Variants in AGBL4 observed in about 807,000 individuals in gnomAD.
AGBL4 encodes the protein cytosolic carboxypeptidase 6.
Under a neutral mutation model 66.4 loss-of-function variants are expected in AGBL4, and 58 were observed. The ratio of observed to expected loss-of-function variants is 0.87; its 90% CI spans 0.71 to 1.09. AGBL4 has a LOEUF of 1.09. Among genes scored for constraint, AGBL4 ranks in the 50% least tolerant of loss-of-function variants. The pLI is 0.00. For synonymous variants in AGBL4, 234 were observed against 222.9 expected, an observed-to-expected ratio of 1.05 and a Z score of -0.44; for missense variants, 579 against 631.0, an observed-to-expected ratio of 0.92 and a Z score of 0.88.
intron 5 of AGBL4, among the ~76,000 whole-genome samples, chr1:49,038,003 C>G (rs1664801391): frequency 6.6e-6 from 1 of 152,034 alleles, no homozygotes; most frequent in Non-Finnish European, 1.5e-5. Context: ...TGGGAGAAGA[C>G]AATACTTACA....
intron 1 of AGBL4, among the ~76,000 whole-genome samples, chr1:49,997,960 T>C (rs959344394): frequency 3.3e-5 from 5 of 151,928 alleles, no homozygotes; most frequent in African/African-American, 1.2e-4. Context: ...GAATGATCAT[T>C]GGGTCAACAA....
chr1:49,448,347 C>G (rs189543792), intron 3 of AGBL4, among the ~76,000 whole-genome samples: 37 of 152,216 alleles, frequency 2.4e-4, no homozygotes, highest in Non-Finnish European at 4.7e-4. Context: ...CTTCCTTCTC[C>G]CCGTCTCCTT....
At chr1:49,968,723 C>T (rs1192579213) in intron 1 of AGBL4, among the ~76,000 whole-genome samples, 2 of 152,166 alleles carry the variant, frequency 1.3e-5, no homozygotes, top group African/African-American at 4.8e-5. Flanking sequence ...ATTCTATTGT[C>T]CATTTTTTCC....
intron 6 of AGBL4, among the ~76,000 whole-genome samples, chr1:48,691,168 A>C (rs925327419): frequency 7.3e-5 from 11 of 149,850 alleles, no homozygotes; most frequent in Admixed American, 5.3e-4. Context: ...AAAAAAAAAA[A>C]AAAAAAACAC....
rs1472821995 is a variant in AGBL4, at chr1:49,576,784, T to C, written c.282+120529A>G. Among the ~76,000 whole-genome samples, 3 of 152,252 alleles carry C rather than the reference T, an allele frequency of 2.0e-5. No homozygotes were observed. In the East Asian group the frequency reaches 5.8e-4, roughly 30 times the overall value. On this transcript the variant is annotated intron_variant, in intron 3 of 13. Coordinates refer to ENST00000371839, the MANE Select transcript of AGBL4 (RefSeq NM_032785.4). ...TCCCCAGTCTGCACTGATGGCCTCA[T>C]GGGGAGTTCCCTATGATCAGTTGAC... is the stretch of plus-strand genomic sequence containing the variant.
rs1648187563 is a variant in AGBL4 at position 49,206,902 on chromosome 1, AGAGGAGAGGAGAG to A, written c.377+38855_377+38867del. ...AGAGGAGAGGAGAGGAGAGGAGAGG[AGAGGAGAGGAGAG>A]GAGAGGAGGTAGGAACCAGGTGGGC... On this transcript the variant is annotated intron_variant, in intron 4 of 13. Transcript: ENST00000371839. Among the ~76,000 whole-genome samples, 5 of 146,954 alleles carry A rather than the reference AGAGGAGAGGAGAG, an allele frequency of 3.4e-5. No homozygotes were observed. The Admixed American group carries it at 3.4e-4, about 10-fold the overall frequency.
At chr1:48,646,549 G>GTGTT (rs1236663890) in intron 8 of AGBL4, among the ~76,000 whole-genome samples, 11 of 151,610 alleles carry the variant, frequency 7.3e-5, no homozygotes, top group African/African-American at 2.7e-4. Context: ...GTGTGTGTGT[G>GTGTT]TGTGTGCTGG....
intron 1 of AGBL4, among the ~76,000 whole-genome samples, chr1:49,941,253 AT>A (rs1654731033): frequency 6.6e-6 from 1 of 152,308 alleles, no homozygotes; most frequent in Admixed American, 6.5e-5. Flanking sequence ...TCTACCAAAC[AT>A]TTGCAGAAGT....
intron 5 of AGBL4, among the ~76,000 whole-genome samples, chr1:48,900,072 G>T (rs1028543008): frequency 6.6e-6 from 1 of 152,130 alleles, no homozygotes; most frequent in Non-Finnish European, 1.5e-5. Flanking sequence ...AGTGGGGTGG[G>T]GTTGGAGTGC....
Position 49,279,922 on chromosome 1 carries a change from C to T in AGBL4, c.283-34058G>A, listed in dbSNP as rs771795029. Reference sequence around the variant, plus strand: ...AGAAACCACCATGCTAGGAGGATAGCGAAGCCTGAATGCTGCTAAAGCATA... The same window carrying T: ...AGAAACCACCATGCTAGGAGGATAGTGAAGCCTGAATGCTGCTAAAGCATA... On this transcript the variant is annotated intron_variant, in intron 3 of 13. Coordinates refer to ENST00000371839, the MANE Select transcript of AGBL4 (RefSeq NM_032785.4). Among the ~76,000 whole-genome samples, 9 of 152,162 alleles carry T rather than the reference C, an allele frequency of 5.9e-5. No homozygotes were observed. The South Asian group carries it at 8.3e-4, about 14-fold the overall frequency.
chr1:48,963,582 G>A (rs1258044744), intron 5 of AGBL4, among the ~76,000 whole-genome samples: 1 of 149,438 alleles, frequency 6.7e-6, no homozygotes, highest in African/African-American at 2.5e-5. Context: ...TCTGTATGAT[G>A]TTCCTGGGGA....
intron 1 of AGBL4, among the ~76,000 whole-genome samples, chr1:49,996,969 G>A (rs975499421): frequency 5.9e-5 from 9 of 152,074 alleles, no homozygotes; most frequent in East Asian, 5.8e-4. Context: ...ACTAAACTTC[G>A]TAAATGAAGG....
chr1:49,859,721 G>A (rs1269908367), intron 1 of AGBL4, among the ~76,000 whole-genome samples: 1 of 151,882 alleles, frequency 6.6e-6, no homozygotes, highest in African/African-American at 2.4e-5. Flanking sequence ...GATGCTCACT[G>A]TCATCACTCT....
At chr1:49,585,251 C>G (rs1430219275) in intron 3 of AGBL4, among the ~76,000 whole-genome samples, 34 of 152,270 alleles carry the variant, frequency 2.2e-4, no homozygotes, top group Non-Finnish European at 5.9e-5. Context: ...CTGTGACTTG[C>G]TCTTACAACA....
At chr1:48,897,270 A>G (rs145969638) in intron 5 of AGBL4, among the ~76,000 whole-genome samples, 123 of 152,248 alleles carry the variant, frequency 8.1e-4, no homozygotes, top group African/African-American at 2.9e-3. Flanking sequence ...TATTTAACAT[A>G]GTGGTCTCCA....
intron 1 of AGBL4, among the ~76,000 whole-genome samples, chr1:49,945,797 C>A (rs1276582266): frequency 6.6e-6 from 1 of 151,958 alleles, no homozygotes; most frequent in African/African-American, 2.4e-5. Context: ...CATCAACTAA[C>A]AATCTGCTGC....
At chr1:49,282,243 A>G (rs1644289787) in intron 3 of AGBL4, among the ~76,000 whole-genome samples, 1 of 152,188 alleles carries the variant, frequency 6.6e-6, no homozygotes. Flanking sequence ...TGTATGTCTT[A>G]CAGGAAGAAT....
chr1:48,716,860 T>C (rs916958782), intron 6 of AGBL4, among the ~76,000 whole-genome samples: 1 of 152,200 alleles, frequency 6.6e-6, no homozygotes, highest in Non-Finnish European at 1.5e-5. Context: ...GAACTGTCCC[T>C]GCCTTCAATA....
At chr1:49,755,536 T>C (rs1437170642) in intron 2 of AGBL4, among the ~76,000 whole-genome samples, 1 of 152,206 alleles carries the variant, frequency 6.6e-6, no homozygotes, top group African/African-American at 2.4e-5. Context: ...ATATTAAAAC[T>C]TCCTGATCTC....
Sources: gnomAD v4.1 joint callset for allele counts (sites outside exome capture counted in the v4.1 genomes callset) on GRCh38, gnomAD v4.1.1 for gene constraint, MANE v1.5 for transcripts, NCBI Gene and HGNC (gene_info 2026-07-23, HGNC 2026-07-21) for gene names.